TSPAN18: variants seen among roughly 807,000 people sequenced by gnomAD.
TSPAN18 encodes the protein tetraspanin 18, also known as tetraspanin-18.
A neutral mutation model predicts 27.3 loss-of-function variants in TSPAN18; 14 were observed. The observed-to-expected ratio is 0.51, with a 90% CI of 0.34 to 0.80. The LOEUF (loss-of-function observed/expected upper bound fraction) is 0.80, where lower values mean the gene tolerates loss of function less well. Ranked by LOEUF, TSPAN18 falls within the 30% of genes least tolerant of loss-of-function variation. The probability of loss-of-function intolerance (pLI) is 0.01; values close to 1 mark genes in which losing one functional copy is unlikely to be tolerated. For synonymous variants in TSPAN18, 143 were observed against 136.5 expected (o/e 1.05, Z -0.33); for missense variants, 268 against 323.9 (o/e 0.83, Z 1.32).
intron 8 of TSPAN18, among the ~76,000 whole-genome samples, chr11:44,920,341 T>C (rs1860081074): frequency 6.6e-6 from 1 of 151,534 alleles, no homozygotes; most frequent in African/African-American, 2.4e-5. Context: ...AGAACCAGAA[T>C]TGCACAGTGG....
intron 1 of TSPAN18, among the ~76,000 whole-genome samples, chr11:44,760,330 G>T (rs1855423744): frequency 6.6e-6 from 1 of 152,210 alleles, no homozygotes; most frequent in African/African-American, 2.4e-5. Flanking sequence ...ACAACAGTAA[G>T]GAGGGTGAGC....
At chr11:44,793,394 C>T (rs1201603810) in intron 2 of TSPAN18, among the ~76,000 whole-genome samples, 1 of 152,128 alleles carries the variant, frequency 6.6e-6, no homozygotes, top group Non-Finnish European at 1.5e-5. Context: ...TACTCAGAAA[C>T]GCACCAGGCA....
At chr11:44,768,976 A>T (rs1855630042) in intron 2 of TSPAN18, among the ~76,000 whole-genome samples, 1 of 148,562 alleles carries the variant, frequency 6.7e-6, no homozygotes, top group African/African-American at 2.5e-5. Context: ...TGGTCACTGC[A>T]ACCTCCGCCT....
intron 1 of TSPAN18, among the ~76,000 whole-genome samples, chr11:44,748,153 A>G (rs1855126095): frequency 6.6e-6 from 1 of 152,194 alleles, no homozygotes; most frequent in Non-Finnish European, 1.5e-5. Flanking sequence ...CACACCTGTA[A>G]TCTCAGCACT....
At chr11:44,851,862 C>A (rs944614919) in intron 2 of TSPAN18, among the ~76,000 whole-genome samples, 1 of 152,182 alleles carries the variant, frequency 6.6e-6, no homozygotes, top group South Asian at 2.1e-4. Flanking sequence ...CATTCAGTGC[C>A]CAGGTATGAC....
intron 3 of TSPAN18, among the ~76,000 whole-genome samples, chr11:44,894,418 T>C (rs573388515): frequency 2.0e-5 from 3 of 152,294 alleles, no homozygotes; most frequent in South Asian, 2.1e-4. Context: ...GGCTTCTCCA[T>C]CTCTCTTGTC....
chr11:44,770,442 A>G (rs898123387), intron 2 of TSPAN18, among the ~76,000 whole-genome samples: 2 of 152,180 alleles, frequency 1.3e-5, no homozygotes, highest in African/African-American at 4.8e-5. Flanking sequence ...GGTAAGGCAC[A>G]TTAGGCTGGC....
rs554413981 is a variant in TSPAN18 at position 44,912,035 on chromosome 11, T to A, written c.258+2136T>A. On this transcript the variant is annotated intron_variant, in intron 5 of 9. Transcript: ENST00000520358. ...GTCCTCCCCATCTCTGTCCTTTTTT[T>A]TTTCGAGACAGGGTCTCAGTCTGTG... 1.6e-4 allele frequency among the ~76,000 whole-genome samples: 24 copies of A among 151,292 alleles called. 1 individual carries two copies. In the South Asian group the frequency reaches 5.1e-3, roughly 32 times the overall value.
At chr11:44,775,086 G>C (rs1230700133) in intron 2 of TSPAN18, among the ~76,000 whole-genome samples, 1 of 152,218 alleles carries the variant, frequency 6.6e-6, no homozygotes, top group Non-Finnish European at 1.5e-5. Context: ...GCTGTGTCTA[G>C]TGTCTGCTGT....
At chr11:44,897,524 G>C (rs1249977738) in intron 3 of TSPAN18, among the ~76,000 whole-genome samples, 4 of 152,342 alleles carry the variant, frequency 2.6e-5, no homozygotes, top group Admixed American at 1.3e-4. Context: ...TTCCAAGGCA[G>C]CACCTGCAAA....
At chr11:44,842,379 T>C (rs571053239) in intron 2 of TSPAN18, among the ~76,000 whole-genome samples, 4 of 152,342 alleles carry the variant, frequency 2.6e-5, no homozygotes, top group Admixed American at 2.6e-4. Context: ...CATGTAAAGA[T>C]ACATCTGCTA....
intron 2 of TSPAN18, among the ~76,000 whole-genome samples, chr11:44,825,007 G>A: frequency 6.6e-6 from 1 of 152,142 alleles, no homozygotes; most frequent in East Asian, 1.9e-4. Context: ...AGTTCAGTGT[G>A]GTCAGACAAC....
intron 3 of TSPAN18, among the ~76,000 whole-genome samples, chr11:44,905,404 G>C (rs1859418573): frequency 6.6e-6 from 1 of 152,148 alleles, no homozygotes; most frequent in Admixed American, 6.5e-5. Flanking sequence ...TTGAGTTCTG[G>C]CCCTTCCCCT....
rs771210653 is a variant in TSPAN18, at chr11:44,917,938, C to T, written c.259-34C>T. 21 of 1,612,036 alleles carry T rather than the reference C, an allele frequency of 1.3e-5. 1 individual carries two copies. The South Asian group carries it at 2.2e-4, about 17-fold the overall frequency. ...GTGGCCGCCCCATCCCCTGCCTGCC[C>T]TCTGGGCTCACAAGGCTGTTCCTCT... On this transcript the variant is annotated intron_variant, in intron 5 of 9. Transcript: ENST00000520358.
intron 3 of TSPAN18, among the ~76,000 whole-genome samples, chr11:44,862,389 C>T (rs1857919749): frequency 1.3e-5 from 2 of 152,228 alleles, no homozygotes; most frequent in South Asian, 4.1e-4. Flanking sequence ...AACCACAAAC[C>T]TCCTGGCCCT....
At chr11:44,909,012 T>C (rs1355028385) in intron 4 of TSPAN18, among the ~76,000 whole-genome samples, 1 of 152,130 alleles carries the variant, frequency 6.6e-6, no homozygotes, top group African/African-American at 2.4e-5. Flanking sequence ...GCTCTCTCTC[T>C]AGACTACGCT....
chr11:44,761,859 G>A (rs779429992), intron 1 of TSPAN18, among the ~76,000 whole-genome samples: 4 of 152,172 alleles, frequency 2.6e-5, no homozygotes, highest in Non-Finnish European at 4.4e-5. Flanking sequence ...GTTCCTCTGC[G>A]ATGCTGCAGA....
chr11:44,801,322 C>T (rs1358482538), intron 2 of TSPAN18, among the ~76,000 whole-genome samples: 1 of 152,180 alleles, frequency 6.6e-6, no homozygotes, highest in East Asian at 1.9e-4. Flanking sequence ...CTCTACAGCC[C>T]CTGCTTTGCT....
intron 2 of TSPAN18, among the ~76,000 whole-genome samples, chr11:44,845,625 G>A (rs1857463875): frequency 6.6e-6 from 1 of 152,230 alleles, no homozygotes; most frequent in South Asian, 2.1e-4. Flanking sequence ...AGTTCATCAG[G>A]TGGGCAAAGA....
Sources: allele counts gnomAD v4.1 joint callset (sites outside exome capture counted in the v4.1 genomes callset), GRCh38; gene constraint gnomAD v4.1.1; transcripts MANE v1.5; gene names NCBI Gene and HGNC (gene_info 2026-07-23, HGNC 2026-07-21).